The following UMAD1 variants were observed in gnomAD, a reference collection of about 807,000 sequenced individuals.
UMAD1 encodes the protein UBAP1-MVB12-associated (UMA) domain containing 1.
A neutral mutation model predicts 6.1 loss-of-function variants in UMAD1; 8 were observed. That is an observed-to-expected ratio of 1.30 (90% confidence interval 0.76 to 2.35). The LOEUF is 2.35. UMAD1 is among the 30% of genes most tolerant of loss of function. UMAD1 has a pLI of 0.00. For missense variants in UMAD1, 130 were observed against 78.4 expected (o/e 1.66, Z -2.49); for synonymous variants, 56 against 31.4 (o/e 1.78, Z -2.61).
At chr7:7,781,676 T>G (rs139811198) in intron 2 of UMAD1, among the ~76,000 whole-genome samples, 4 of 152,214 alleles carry the variant, frequency 2.6e-5, no homozygotes, top group Admixed American at 2.6e-4. Context: ...ATATTTTGTT[T>G]CCATTATAAT....
At chr7:7,732,872 G>A (rs1180561282) in intron 2 of UMAD1, among the ~76,000 whole-genome samples, 2 of 152,166 alleles carry the variant, frequency 1.3e-5, no homozygotes, top group Non-Finnish European at 2.9e-5. Flanking sequence ...GTGTTCCAAA[G>A]GTAGATTAAG....
At chr7:7,808,506 T>G (rs1449183864) in intron 3 of UMAD1, among the ~76,000 whole-genome samples, 1 of 151,970 alleles carries the variant, frequency 6.6e-6, no homozygotes, top group African/African-American at 2.4e-5. Flanking sequence ...GGCTTTAAGG[T>G]GTATTTTGGG....
intron 1 of UMAD1, among the ~76,000 whole-genome samples, chr7:7,665,888 A>G (rs1268900406): frequency 1.4e-5 from 2 of 147,802 alleles, no homozygotes; most frequent in Non-Finnish European, 3.0e-5. Flanking sequence ...CCCTTTTACT[A>G]CCGAATGGGA....
rs116684736 is a variant in UMAD1 at position 7,762,854 on chromosome 7, C to T, written c.83-38816C>T. Among the ~76,000 whole-genome samples, 1,339 of 151,280 alleles carry T rather than the reference C, an allele frequency of 8.9e-3. 16 individuals are homozygous for T. The highest frequency in any genetic ancestry group is 0.03 in the African/African-American group (1,233 of 41,480). ...GGCTTCATGAGTTGAAAGCACATTA[C>T]ATATATGTAAGATTTAATGGATTTA... On this transcript the variant is annotated intron_variant, in intron 2 of 3. Transcript: ENST00000682710.
chr7:7,796,485 A>G (rs1782684444), intron 2 of UMAD1, among the ~76,000 whole-genome samples: 2 of 152,024 alleles, frequency 1.3e-5, no homozygotes, highest in South Asian at 4.1e-4. Flanking sequence ...TCCCAACCTC[A>G]GGTGATCCGC....
At chr7:7,691,882 C>T (rs1780180024) in intron 2 of UMAD1, among the ~76,000 whole-genome samples, 1 of 152,144 alleles carries the variant, frequency 6.6e-6, no homozygotes, top group Admixed American at 6.6e-5. Context: ...TTTTATCTGG[C>T]TAGTAGCTCA....
At chr7:7,832,815 T>C (rs1306031055) in intron 3 of UMAD1, among the ~76,000 whole-genome samples, 1 of 151,962 alleles carries the variant, frequency 6.6e-6, no homozygotes, top group East Asian at 1.9e-4. Flanking sequence ...TTCTACAGAG[T>C]GCAGGTGGGA....
chr7:7,710,532 A>G (rs1226541904), intron 2 of UMAD1, among the ~76,000 whole-genome samples: 1 of 152,210 alleles, frequency 6.6e-6, no homozygotes, highest in Non-Finnish European at 1.5e-5. Context: ...GTATCAGAAT[A>G]GCTAAAATAA....
intron 3 of UMAD1, among the ~76,000 whole-genome samples, chr7:7,816,195 AAAC>A (rs1453440454): frequency 1.3e-5 from 2 of 152,192 alleles, no homozygotes; most frequent in African/African-American, 4.8e-5. Context: ...GTCACAAAAA[AAAC>A]AGTAACATTA....
intron 3 of UMAD1, among the ~76,000 whole-genome samples, chr7:7,871,379 T>C (rs1368856784): frequency 2.6e-5 from 4 of 152,218 alleles, no homozygotes; most frequent in African/African-American, 9.6e-5. Flanking sequence ...TCTTGGAATA[T>C]AGAGCTTTAA....
At chr7:7,847,919 T>C (rs1783841086) in intron 3 of UMAD1, among the ~76,000 whole-genome samples, 1 of 152,084 alleles carries the variant, frequency 6.6e-6, no homozygotes, top group South Asian at 2.1e-4. Context: ...AGCCACTTGG[T>C]TTTTTCTACA....
At chr7:7,736,479 A>C (rs913050463) in intron 2 of UMAD1, 1 of 152,404 alleles carries the variant, frequency 6.6e-6, no homozygotes, top group African/African-American at 2.4e-5. Context: ...GATTACATTT[A>C]TTCACGCACT....
intron 2 of UMAD1, among the ~76,000 whole-genome samples, chr7:7,759,006 A>G (rs1781833173): frequency 1.3e-5 from 2 of 152,180 alleles, no homozygotes; most frequent in Admixed American, 1.3e-4. Flanking sequence ...CAGATTTTTC[A>G]TCATAAGATT....
chr7:7,739,896 A>G (rs1781429571), intron 2 of UMAD1, among the ~76,000 whole-genome samples: 1 of 152,274 alleles, frequency 6.6e-6, no homozygotes. Context: ...AGGAGAGCAC[A>G]GGAAGATTAA....
chr7:7,646,884 G>A (rs1292738162), intron 1 of UMAD1, among the ~76,000 whole-genome samples: 1 of 152,086 alleles, frequency 6.6e-6, no homozygotes, highest in Non-Finnish European at 1.5e-5. Context: ...ACAGAATAGG[G>A]GTGACATATT....
At chr7:7,683,403 T>G (rs1009274170) in intron 2 of UMAD1, among the ~76,000 whole-genome samples, 19 of 152,174 alleles carry the variant, frequency 1.2e-4, no homozygotes, top group Non-Finnish European at 2.8e-4. Flanking sequence ...CAGTTCACTC[T>G]CTAATAATTG....
In UMAD1 at chr7:7,724,545, GC is replaced by G. The variant is rs1781106118; in HGVS notation, c.82+51093del. Among the ~76,000 whole-genome samples the G allele has an allele frequency of 2.0e-5, 3 of 152,200 alleles. No individual in the cohort carries two copies. The South Asian group carries it at 6.2e-4, about 31-fold the overall frequency. On this transcript the variant is annotated intron_variant, in intron 2 of 3. Coordinates refer to ENST00000682710, the MANE Select transcript of UMAD1 (RefSeq NM_001302348.2). ...ACAGTATCACATCCCTGGAAGGATT[GC>G]AGGGAGTAGTGCCACCATTAAGGAC...
intron 3 of UMAD1, among the ~76,000 whole-genome samples, chr7:7,827,771 G>C (rs1160604447): frequency 1.3e-5 from 2 of 152,222 alleles, no homozygotes; most frequent in Non-Finnish European, 2.9e-5. Context: ...AATGGCATGT[G>C]GTTTAAGACA....
chr7:7,765,079 G>C (rs1243457564), intron 2 of UMAD1, among the ~76,000 whole-genome samples: 2 of 150,898 alleles, frequency 1.3e-5, no homozygotes, highest in Admixed American at 6.6e-5. Flanking sequence ...TTAAATTCTT[G>C]AAGTCCTGTT....
Sources: gnomAD v4.1 joint callset for allele counts (sites outside exome capture counted in the v4.1 genomes callset) on GRCh38, gnomAD v4.1.1 for gene constraint, MANE v1.5 for transcripts, NCBI Gene and HGNC (gene_info 2026-07-23, HGNC 2026-07-21) for gene names.